Variants in BRD3 observed in about 807,000 individuals in gnomAD.
BRD3 encodes the protein bromodomain-containing protein 3.
Under a neutral mutation model 66.8 loss-of-function variants are expected in BRD3, and 17 were observed. The observed-to-expected ratio is 0.25, with a 90% CI of 0.17 to 0.38. BRD3 has a LOEUF of 0.38. Among genes scored for constraint, BRD3 ranks in the 10% least tolerant of loss-of-function variants. The probability of loss-of-function intolerance (pLI) is 1.00; values close to 1 mark genes in which losing one functional copy is unlikely to be tolerated. For synonymous variants in BRD3, 421 were observed against 393.2 expected, an observed-to-expected ratio of 1.07 and a Z score of -0.84; for missense variants, 713 against 956.1, an observed-to-expected ratio of 0.75 and a Z score of 3.35.
intron 1 of BRD3, 83 bp from the exon 2 acceptor site, chr9:134,053,673 G>T: frequency 7.8e-7 from 1 of 1,276,340 alleles, no homozygotes; most frequent in Non-Finnish European, 1.0e-6. Context: ...GGCTCCTGAG[G>T]GCACCTGTCG....
rs1427045390 is a variant in BRD3, at chr9:134,032,409, G to A, written c.*1181C>T. ...TTAGAATGTGCTGTAGCTGAAAGCT[G>A]TCTATACCTGTAAGCCTCCAAGTTT... On this transcript the variant is annotated 3_prime_UTR_variant, in exon 12 of 12. Coordinates refer to ENST00000303407, the MANE Select transcript of BRD3 (RefSeq NM_007371.4). 1 of 173,542 alleles carries A rather than the reference G, an allele frequency of 5.8e-6. No individual in the cohort carries two copies. Among genetic ancestry groups the A allele is most frequent in the Non-Finnish European group, 1.1e-5 (1 of 90,176 alleles). The allele number at this position is 173,542 out of a possible 1,614,324, so 10.8% of individuals were successfully genotyped here.
At position 134,048,077 on chromosome 9, in the gene BRD3, A is replaced by G. The variant is rs1830213828; in HGVS notation, c.1086+6T>C. The G allele has an allele frequency of 6.4e-7, 1 of 1,556,750 alleles. No individual in the cohort carries two copies. The highest frequency in any genetic ancestry group is 1.8e-5 in the Admixed American group (1 of 55,220). ...GCAGAGCAGGGCCTGCCGCGCGGCC[A>G]CGTACTTTCACGGTGCTGAGGTCCA... On this transcript the variant is annotated splice_donor_region_variant and intron_variant, in intron 6 of 11. Transcript: ENST00000303407.
chr9:134,042,670 C>CAT (rs902164054), intron 7 of BRD3, among the ~76,000 whole-genome samples: 8 of 131,290 alleles, frequency 6.1e-5, no homozygotes, highest in African/African-American at 8.4e-5. Flanking sequence ...CACACACACA[C>CAT]ATATATATAC....
At chr9:134,064,152 T>C (rs549234725) in intron 1 of BRD3, among the ~76,000 whole-genome samples, 1 of 152,284 alleles carries the variant, frequency 6.6e-6, no homozygotes, top group South Asian at 2.1e-4. Flanking sequence ...CTGGCTCCAC[T>C]GCGAGCTCAA....
chr9:134,062,689 T>C (rs1188311769), intron 1 of BRD3, among the ~76,000 whole-genome samples: 2 of 152,074 alleles, frequency 1.3e-5, no homozygotes, highest in Non-Finnish European at 2.9e-5. Context: ...ATGAGGCGCG[T>C]GAGGAGGCCC....
intron 1 of BRD3, among the ~76,000 whole-genome samples, chr9:134,062,972 G>A (rs926578854): frequency 5.3e-5 from 8 of 152,124 alleles, no homozygotes; most frequent in Non-Finnish European, 7.4e-5. Context: ...GCTGCGGCAG[G>A]CCCACCTAGC....
chr9:134,038,459 A>G (rs1482909023), intron 9 of BRD3, among the ~76,000 whole-genome samples: 3 of 151,896 alleles, frequency 2.0e-5, no homozygotes, highest in African/African-American at 4.8e-5. Context: ...CCCAACCAAC[A>G]CTTTTTTTTG....
At chr9:134,051,832 GAAC>G (rs1193382349) in intron 3 of BRD3, 123 bp from the exon 4 acceptor site, 1 of 879,992 alleles carries the variant, frequency 1.1e-6, no homozygotes, top group Non-Finnish European at 1.6e-6. Flanking sequence ...GCGCAGGAGA[GAAC>G]AAAATGAATA....
At chr9:134,067,554 G>GA (rs1160286259) in intron 1 of BRD3, among the ~76,000 whole-genome samples, 2 of 147,608 alleles carry the variant, frequency 1.4e-5, no homozygotes, top group South Asian at 2.1e-4. Context: ...AGGAAAGGGG[G>GA]AAAAAAATCC....
Position 134,050,383 on chromosome 9 carries a change from A to C in BRD3, c.705T>G (p.Pro235=), listed in dbSNP as rs1208402836. The change falls in exon 5 of 12, where the codon CCT becomes CCG. Residue 235 remains proline, a synonymous_variant. Transcript: ENST00000303407. ...GACTCAGGGTGCTCACCTTGACGAC[A>C]GGCGGCGTAGGAGGGACCACGGGGA... The part of the protein sequence containing the change: ...PIVPVVPPTP[P]VVKKKGVKRK... 1 of 1,610,918 alleles carries C rather than the reference A, an allele frequency of 6.2e-7. No individual in the cohort carries two copies. The highest frequency in any genetic ancestry group is 1.1e-5 in the South Asian group (1 of 90,968).
In BRD3 at chr9:134,033,423, A is replaced by C; in HGVS notation, c.*167T>G. On this transcript the variant is annotated 3_prime_UTR_variant, in exon 12 of 12. Coordinates refer to ENST00000303407, the MANE Select transcript of BRD3 (RefSeq NM_007371.4). This position sits in a 1 kb window ranked among gnomAD's most constrained non-coding sequence, Gnocchi z 5.1. ...TCTCATCAAGTCTAACGCACACACA[A>C]GATAGATCTCTGACCTATGAAAGCA... is the stretch of plus-strand genomic sequence containing the variant. The C allele has an allele frequency of 5.3e-6, 3 of 570,732 alleles. No homozygotes were observed. The highest frequency in any genetic ancestry group is 9.4e-6 in the Non-Finnish European group (3 of 318,410). 35.4% of individuals were successfully genotyped at this position (570,732 alleles called of 1,614,324 possible).
chr9:134,048,686 G>A (rs1397596194), intron 5 of BRD3, among the ~76,000 whole-genome samples: 1 of 152,140 alleles, frequency 6.6e-6, no homozygotes, highest in Admixed American at 6.5e-5. Flanking sequence ...TCTGAAACCC[G>A]CCCTCACCTG....
At chr9:134,063,807 T>C (rs1830592030) in intron 1 of BRD3, among the ~76,000 whole-genome samples, 1 of 152,214 alleles carries the variant, frequency 6.6e-6, no homozygotes, top group African/African-American at 2.4e-5. Flanking sequence ...TGCAAAATGC[T>C]GCAGCTGGTT....
chr9:134,046,315 GTTTC>G (rs1830163347), intron 6 of BRD3, among the ~76,000 whole-genome samples: 1 of 152,240 alleles, frequency 6.6e-6, no homozygotes, highest in Admixed American at 6.5e-5. Flanking sequence ...GAGGGAGTGA[GTTTC>G]CCATCCTGGG....
rs930573069 is a variant in BRD3, at chr9:134,040,598, C to T, written c.1408-329G>A. The stretch of plus-strand genomic sequence containing the variant: ...GTATTATACTTTAAGTTCGGGGATA[C>T]ATGTGCAGAATGTGCAGGTTTGTTA... On this transcript the variant is annotated intron_variant, in intron 8 of 11. Transcript: ENST00000303407. Among the ~76,000 whole-genome samples the T allele has an allele frequency of 5.9e-5, 9 of 152,236 alleles. No homozygotes were observed. The East Asian group carries it at 1.2e-3, about 19-fold the overall frequency.
At position 134,045,068 on chromosome 9, in the gene BRD3, T is replaced by C. The variant is rs1449669525; in HGVS notation, c.1215+225A>G. Reference sequence around the variant, plus strand: ...CTGCGACACCCCCACAGAGCCCCAGTGGTCCCACCTGCTCGCTGGCTGCCC... The same window carrying C: ...CTGCGACACCCCCACAGAGCCCCAGCGGTCCCACCTGCTCGCTGGCTGCCC... On this transcript the variant is annotated intron_variant, in intron 7 of 11. Coordinates refer to ENST00000303407, the MANE Select transcript of BRD3 (RefSeq NM_007371.4). The surrounding 1 kb of genome is among the most constrained non-coding windows in gnomAD (Gnocchi z 4.8). Among the ~76,000 whole-genome samples the C allele has an allele frequency of 6.6e-6, 1 of 152,160 alleles. No individual in the cohort carries two copies. The highest frequency in any genetic ancestry group is 1.5e-5 in the Non-Finnish European group (1 of 68,024).
At position 134,050,588 on chromosome 9, in the gene BRD3, C is replaced by T. The variant is rs1401607007; in HGVS notation, c.500G>A (p.Gly167Asp). The T allele has an allele frequency of 3.1e-6, 5 of 1,605,202 alleles. No homozygotes were observed. The South Asian group carries it at 5.5e-5, about 18-fold the overall frequency. ...RKPAAGAQSA[G>D]TQQVAAVSSV... is the part of the protein sequence containing the mutation. ...GGACACGGCCGCCACTTGCTGTGTACCTTCAAGACAAGGAAGGGATGTTCA... is the reference window on the plus strand; with the variant it reads ...GGACACGGCCGCCACTTGCTGTGTATCTTCAAGACAAGGAAGGGATGTTCA... Residue 167 changes from glycine (G) to aspartate (D), a missense_variant and splice_region_variant, in exon 5 of 12, where the codon GGT becomes GAT. Coordinates refer to ENST00000303407, the MANE Select transcript of BRD3 (RefSeq NM_007371.4).
chr9:134,067,059 G>A (rs1000982860), intron 1 of BRD3, among the ~76,000 whole-genome samples: 7 of 152,182 alleles, frequency 4.6e-5, no homozygotes, highest in African/African-American at 1.4e-4. Context: ...GAGCCCACCA[G>A]GGCCATGTGG....
At chr9:134,036,938 G>A (rs1318848601) in intron 9 of BRD3, among the ~76,000 whole-genome samples, 5 of 152,124 alleles carry the variant, frequency 3.3e-5, no homozygotes, top group Non-Finnish European at 5.9e-5. Context: ...TTGAACCAGG[G>A]AGGCGGAGGC....
Sources: allele counts gnomAD v4.1 joint callset (sites outside exome capture counted in the v4.1 genomes callset), GRCh38; gene constraint gnomAD v4.1.1; non-coding constraint Gnocchi (gnomAD v3.1); transcripts MANE v1.5; gene names NCBI Gene and HGNC (gene_info 2026-07-23, HGNC 2026-07-21).